CTNNA2: variants seen among roughly 807,000 people sequenced by gnomAD.
CTNNA2 encodes the protein catenin alpha-2.
CTNNA2 carries 42 observed loss-of-function variants against 101.0 expected under a neutral mutation model. The observed-to-expected ratio is 0.42, with a 90% confidence interval of 0.32 to 0.54. CTNNA2 has a LOEUF of 0.54. CTNNA2 is among the 20% of genes least tolerant of loss of function. The pLI is 0.14. For missense variants in CTNNA2, 871 were observed against 1,223.1 expected, an observed-to-expected ratio of 0.71 and a Z score of 4.29; for synonymous variants, 450 against 456.4, an observed-to-expected ratio of 0.99 and a Z score of 0.18.
At chr2:80,051,851 G>T (rs566330764) in intron 7 of CTNNA2, among the ~76,000 whole-genome samples, 1 of 152,306 alleles carries the variant, frequency 6.6e-6, no homozygotes, top group South Asian at 2.1e-4. Flanking sequence ...TTCCATGGGA[G>T]CAATGCCATG....
At chr2:79,359,474 A>G (rs17016923) in intron 3 of CTNNA2, among the ~76,000 whole-genome samples, 45,191 of 152,038 alleles carry the variant, frequency 0.3, 6,863 homozygotes, top group Middle Eastern at 0.44. Flanking sequence ...AGGCATTCAC[A>G]TGTTATAATG....
At chr2:79,933,475 G>A (rs61479232) in intron 7 of CTNNA2, among the ~76,000 whole-genome samples, 1 of 147,166 alleles carries the variant, frequency 6.8e-6, no homozygotes, top group East Asian at 2.0e-4. Flanking sequence ...TTTTTTTTGA[G>A]ATGGAGTCTT....
chr2:79,968,843 CT>C (rs1428848438), intron 7 of CTNNA2, among the ~76,000 whole-genome samples: 1 of 145,352 alleles, frequency 6.9e-6, no homozygotes, highest in African/African-American at 2.5e-5. Context: ...TTTTTTTTTA[CT>C]TTGAATCCCT....
chr2:79,673,877 C>T (rs966357250), intron 2 of CTNNA2, among the ~76,000 whole-genome samples: 1 of 152,168 alleles, frequency 6.6e-6, no homozygotes, highest in Non-Finnish European at 1.5e-5. Flanking sequence ...TCTTTGTGCT[C>T]ATGTTTTCTC....
intron 3 of CTNNA2, among the ~76,000 whole-genome samples, chr2:79,837,326 T>C (rs1679452138): frequency 6.6e-6 from 1 of 152,170 alleles, no homozygotes. Flanking sequence ...CTTTCCACAT[T>C]TTTCTGCCTG....
chr2:79,869,427 CT>C (rs1049103924), intron 4 of CTNNA2, among the ~76,000 whole-genome samples: 3 of 152,112 alleles, frequency 2.0e-5, no homozygotes, highest in African/African-American at 7.2e-5. Context: ...TTTCTCCAGT[CT>C]TTTGTTTGTA....
At chr2:80,558,462 ATATG>A (rs869033608) in intron 12 of CTNNA2, among the ~76,000 whole-genome samples, 12 of 35,812 alleles carry the variant, frequency 3.4e-4, no homozygotes, top group African/African-American at 5.9e-4. Flanking sequence ...GTGTGTGTAT[ATATG>A]TGTGTGTGTG....
chr2:79,541,734 C>A (rs904127067), intron 1 of CTNNA2, among the ~76,000 whole-genome samples: 9 of 113,858 alleles, frequency 7.9e-5, no homozygotes, highest in African/African-American at 2.7e-4. Flanking sequence ...TCAAGCAATT[C>A]TCCTGCCTCA....
intron 3 of CTNNA2, among the ~76,000 whole-genome samples, chr2:79,327,889 ACT>A (rs1315427807): frequency 2.0e-5 from 3 of 152,064 alleles, no homozygotes; most frequent in Non-Finnish European, 4.4e-5. Flanking sequence ...CCTTGGAAAG[ACT>A]CTGTGAAATC....
At chr2:79,773,259 G>A (rs985241045) in intron 3 of CTNNA2, among the ~76,000 whole-genome samples, 1 of 152,188 alleles carries the variant, frequency 6.6e-6, no homozygotes, top group Non-Finnish European at 1.5e-5. Context: ...GAAAAATGAC[G>A]AGGTAAGTCT....
At chr2:79,554,055 A>G (rs1674287753) in intron 1 of CTNNA2, among the ~76,000 whole-genome samples, 1 of 152,166 alleles carries the variant, frequency 6.6e-6, no homozygotes, top group African/African-American at 2.4e-5. Flanking sequence ...TGGGCTGTTG[A>G]AGGGTTACAT....
In CTNNA2 at chr2:80,502,732, G is replaced by A. The variant is rs1029557707; in HGVS notation, c.1291-42250G>A. Among the ~76,000 whole-genome samples the A allele has an allele frequency of 5.3e-5, 8 of 152,088 alleles. No individual in the cohort carries two copies. In the East Asian group the frequency reaches 9.6e-4, roughly 18 times the overall value. ...GCCAAAACCCTCCATGTGTACCCTC[G>A]TGGTTTTTAAAAGAAGACAAATGGC... is the stretch of plus-strand genomic sequence containing the variant. On this transcript the variant is annotated intron_variant, in intron 9 of 18. Coordinates refer to ENST00000402739, the MANE Select transcript of CTNNA2 (RefSeq NM_001282597.3).
Position 80,647,874 on chromosome 2 carries a change from A to G in CTNNA2, c.*2A>G, listed in dbSNP as rs1168712983. Reference sequence around the variant, plus strand: ...TTCAAAGCAATGGATTCCTTCTAGGACGATAGGTTTTAACAAGAAAGCTTT... The same window carrying G: ...TTCAAAGCAATGGATTCCTTCTAGGGCGATAGGTTTTAACAAGAAAGCTTT... On this transcript the variant is annotated 3_prime_UTR_variant, in exon 19 of 19. Coordinates refer to ENST00000402739, the MANE Select transcript of CTNNA2 (RefSeq NM_001282597.3). The G allele has an allele frequency of 6.4e-7, 1 of 1,566,410 alleles. No individual in the cohort carries two copies. Among genetic ancestry groups the G allele is most frequent in the Non-Finnish European group, 8.6e-7 (1 of 1,157,358 alleles).
chr2:79,885,103 T>A (rs1683753386), intron 6 of CTNNA2, among the ~76,000 whole-genome samples: 1 of 152,090 alleles, frequency 6.6e-6, no homozygotes, highest in Non-Finnish European at 1.5e-5. Flanking sequence ...CCCAGCCCAT[T>A]TAAGGGACAT....
At chr2:80,390,467 G>A (rs550828355) in intron 7 of CTNNA2, among the ~76,000 whole-genome samples, 1 of 152,132 alleles carries the variant, frequency 6.6e-6, no homozygotes, top group Non-Finnish European at 1.5e-5. Flanking sequence ...TGCCAGAAGG[G>A]ATACAGATCC....
intron 9 of CTNNA2, among the ~76,000 whole-genome samples, chr2:80,538,015 G>A (rs990257752): frequency 2.0e-5 from 3 of 152,038 alleles, no homozygotes; most frequent in Non-Finnish European, 4.4e-5. Context: ...TTTGTTGGCC[G>A]CATAAATGTC....
At chr2:80,527,878 G>A (rs1038476827) in intron 9 of CTNNA2, among the ~76,000 whole-genome samples, 1 of 152,162 alleles carries the variant, frequency 6.6e-6, no homozygotes, top group African/African-American at 2.4e-5. Flanking sequence ...AGCTGGAGAG[G>A]CTTAAAATGC....
intron 7 of CTNNA2, among the ~76,000 whole-genome samples, chr2:80,202,005 C>T (rs1306669269): frequency 6.6e-6 from 1 of 152,136 alleles, no homozygotes; most frequent in African/African-American, 2.4e-5. Flanking sequence ...ACATTCTTAT[C>T]CCCTGCACCC....
intron 7 of CTNNA2, among the ~76,000 whole-genome samples, chr2:80,348,299 A>G (rs1469277426): frequency 6.6e-6 from 1 of 152,178 alleles, no homozygotes; most frequent in East Asian, 1.9e-4. Flanking sequence ...TTTGGTTTAT[A>G]TGGTTATTCT....
Sources: allele counts gnomAD v4.1 joint callset (sites outside exome capture counted in the v4.1 genomes callset), GRCh38; gene constraint gnomAD v4.1.1; transcripts MANE v1.5; gene names NCBI Gene and HGNC (gene_info 2026-07-23, HGNC 2026-07-21).